The following PLCXD1 variants were observed in gnomAD, a reference collection of about 807,000 sequenced individuals.
PLCXD1 encodes phosphatidylinositol specific phospholipase C X domain containing 1.
A neutral mutation model predicts 37.8 loss-of-function variants in PLCXD1; 45 were observed. That is an observed-to-expected ratio of 1.19 (90% CI 0.94 to 1.53). The LOEUF (loss-of-function observed/expected upper bound fraction) is 1.53. PLCXD1 is among the 40% of genes most tolerant of loss of function. PLCXD1 has a pLI of 0.00. For missense variants in PLCXD1, 539 were observed against 454.7 expected, an observed-to-expected ratio of 1.19 and a Z score of -1.69; for synonymous variants, 246 against 206.9, an observed-to-expected ratio of 1.19 and a Z score of -1.62.
intron 5 of PLCXD1, among the ~76,000 whole-genome samples, chrX:292,673 C>T (rs1041560724): frequency 5.3e-5 from 8 of 151,650 alleles, no homozygotes; most frequent in African/African-American, 9.7e-5. Context: ...AGTGCAATAG[C>T]GAAACCTCGG....
upstream of PLCXD1, among the ~76,000 whole-genome samples, chrX:279,618 C>A (rs1569564323): frequency 6.6e-6 from 1 of 151,824 alleles, no homozygotes; most frequent in African/African-American, 2.4e-5. Context: ...ACCAAAAATA[C>A]AAAAAATTAG....
chrX:286,892 T>G (rs1340188762), intron 2 of PLCXD1, among the ~76,000 whole-genome samples: 3 of 151,906 alleles, frequency 2.0e-5, no homozygotes, highest in Non-Finnish European at 2.9e-5. Context: ...AGTACTGGTC[T>G]CCTTCCTTAA....
intron 5 of PLCXD1, among the ~76,000 whole-genome samples, 179 bp from the exon 6 acceptor site, chrX:292,856 A>G (rs2069679430): frequency 6.8e-6 from 1 of 146,114 alleles, no homozygotes; most frequent in Non-Finnish European, 1.5e-5. Context: ...CAGGTGATCC[A>G]CCCACCTCGG....
chrX:284,584 GCA>G (rs2069384573), intron 2 of PLCXD1, among the ~76,000 whole-genome samples: 25 of 320 alleles, frequency 0.078, no homozygotes, highest in Non-Finnish European at 0.12. Flanking sequence ...AGGCATACAT[GCA>G]CACACGCACA....
Position 287,463 on chromosome X carries a change from GAATAT to G in PLCXD1, c.128-1268_128-1264del, listed in dbSNP as rs1569564452. 1.8e-3 allele frequency among the ~76,000 whole-genome samples: 216 copies of G among 122,584 alleles called. 4 individuals carry two copies. The highest frequency in any genetic ancestry group is 6.8e-3 in the African/African-American group (198 of 29,182). 80.4% of individuals were successfully genotyped at this position (122,584 alleles called of 152,430 possible). On this transcript the variant is annotated intron_variant, in intron 2 of 6. Transcript: ENST00000381657. Reference sequence around the variant, plus strand: ...TATACACTATATATGTTTATATATAGAATATATACTATATATGTTTATATATAGAT... The same window carrying G: ...TATACACTATATATGTTTATATATAGATACTATATATGTTTATATATAGAT...
intron 5 of PLCXD1, 28 bp from the exon 6 acceptor site, chrX:293,007 T>C: frequency 5.8e-6 from 9 of 1,563,816 alleles, no homozygotes; most frequent in Non-Finnish European, 7.9e-6. Context: ...CTCTCTCCCC[T>C]GCACCCCTTA....
At chrX:280,359 GGGCCGTGCAGGGGGAAGGGA>G (rs1413405048), upstream of PLCXD1, among the ~76,000 whole-genome samples, 274 of 28,222 alleles carry the variant, frequency 9.7e-3, 2 homozygotes, top group African/African-American at 0.04. Flanking sequence ...GGGGGAAGGG[GGGCCGTGCAGGGGGAAGGGA>G]GGCCGTGCAG....
intron 2 of PLCXD1, among the ~76,000 whole-genome samples, chrX:287,046 G>A (rs923357598): frequency 9.2e-5 from 14 of 151,954 alleles, no homozygotes; most frequent in South Asian, 2.1e-4. Context: ...GGGGAAGGCC[G>A]GGCGTGGTGG....
intron 6 of PLCXD1, among the ~76,000 whole-genome samples, chrX:295,790 G>C (rs1252282577): frequency 3.3e-5 from 5 of 151,878 alleles, no homozygotes; most frequent in Non-Finnish European, 7.4e-5. Context: ...GTCTCCCAAA[G>C]TGCTGGGATG....
At chrX:277,122 T>C (rs1025314749), upstream of PLCXD1, among the ~76,000 whole-genome samples, 4 of 151,574 alleles carry the variant, frequency 2.6e-5, no homozygotes, top group African/African-American at 9.7e-5. Context: ...ATGGCAGAGG[T>C]GGCTGGGAGT....
At chrX:291,717 C>G (rs745308940) in intron 5 of PLCXD1, 63 bp downstream of exon 5, 1 of 1,547,366 alleles carries the variant, frequency 6.5e-7, no homozygotes, top group Non-Finnish European at 8.9e-7. Flanking sequence ...GCCTCAGACT[C>G]CATTTGCTGT....
chrX:292,155 C>G (rs1260007125), intron 5 of PLCXD1, among the ~76,000 whole-genome samples: 2 of 144,884 alleles, frequency 1.4e-5, no homozygotes, highest in South Asian at 2.2e-4. Context: ...CCAAAATTAT[C>G]TGGGTGTGGC....
upstream of PLCXD1, among the ~76,000 whole-genome samples, chrX:279,775 G>GAA (rs1557374205): frequency 3.6e-5 from 5 of 140,322 alleles, no homozygotes; most frequent in African/African-American, 7.8e-5. Flanking sequence ...CCCTGTCTCT[G>GAA]AAAAAAAAAA....
intron 6 of PLCXD1, among the ~76,000 whole-genome samples, chrX:296,111 CT>C (rs1222373763): frequency 6.6e-6 from 1 of 151,070 alleles, no homozygotes; most frequent in Non-Finnish European, 1.5e-5. Flanking sequence ...TGTGCCCGGC[CT>C]TTTTTTGTTT....
chrX:281,351 ACCCTCCCTCCCT>A (rs201660794), upstream of PLCXD1: 134 of 152,826 alleles, frequency 8.8e-4, no homozygotes, highest in Admixed American at 3.5e-3. Flanking sequence ...GGCTCCCGGG[ACCCTCCCTCCCT>A]CCCTCCCTCC....
chrX:299,589 C>T lies in PLCXD1; in HGVS notation c.*254C>T, dbSNP rs2069936201. 1 of 572,200 alleles carries T rather than the reference C, an allele frequency of 1.7e-6. No individual in the cohort carries two copies. Among genetic ancestry groups the T allele is most frequent in the African/African-American group, 1.9e-5 (1 of 51,458 alleles). 35.4% of individuals were successfully genotyped at this position (572,200 alleles called of 1,614,324 possible). A position where few individuals can be genotyped will look rare whatever the true frequency, so the allele number is the denominator to read the frequency against. On this transcript the variant is annotated 3_prime_UTR_variant, in exon 7 of 7. Transcript: ENST00000381657. Reference sequence around the variant, plus strand: ...CCTGACCAACATGGTGAAATCCCATCTCTACTAAAAATACAAAACTTAGCT... The same window carrying T: ...CCTGACCAACATGGTGAAATCCCATTTCTACTAAAAATACAAAACTTAGCT...
At position 291,903 on chromosome X, in the gene PLCXD1, C is replaced by T. The variant is rs191137013; in HGVS notation, c.549+249C>T. On this transcript the variant is annotated intron_variant, in intron 5 of 6. Coordinates refer to ENST00000381657, the MANE Select transcript of PLCXD1 (RefSeq NM_018390.4). ...GCAGCGTCAGCCGGGCGCGGTGGCTCACGCCTGTCATCCCAGCACTTTGGG... is the reference window on the plus strand; with the variant it reads ...GCAGCGTCAGCCGGGCGCGGTGGCTTACGCCTGTCATCCCAGCACTTTGGG... 2.4e-4 allele frequency among the ~76,000 whole-genome samples: 37 copies of T among 152,196 alleles called. No individual in the cohort carries two copies. The East Asian group carries it at 6.6e-3, about 27-fold the overall frequency.
rs142663151 is a variant in PLCXD1 at position 291,541 on chromosome X, C to T, written c.436C>T (p.Arg146Cys). 2.6e-5 allele frequency: 42 copies of T among 1,612,796 alleles called. No individual in the cohort carries two copies. Among genetic ancestry groups the T allele is most frequent in the African/African-American group, 1.1e-4 (8 of 74,872 alleles). Residue 146 changes from arginine to cysteine, a missense_variant, in exon 5 of 7, where the codon CGC becomes TGC. Physicochemically the swap from Arg to Cys is radical, Grantham distance 180 (BLOSUM62 -3). Coordinates refer to ENST00000381657, the MANE Select transcript of PLCXD1 (RefSeq NM_018390.4). ...CTCGGAGTGGCTGGAGCGGCATCCA[C>T]GCGAGGTGGTCATCCTGGCCTGCAG... ...EISEWLERHP[R>C]EVVILACRNF...
upstream of PLCXD1, among the ~76,000 whole-genome samples, chrX:279,813 A>G (rs1569564325): frequency 6.6e-6 from 1 of 151,828 alleles, no homozygotes; most frequent in Non-Finnish European, 1.5e-5. Flanking sequence ...TTATTAGTAG[A>G]AAGGAATATC....
Sources: gnomAD v4.1 joint callset for allele counts (sites outside exome capture counted in the v4.1 genomes callset) on GRCh38, gnomAD v4.1.1 for gene constraint, MANE v1.5 for transcripts, NCBI Gene and HGNC (gene_info 2026-07-23, HGNC 2026-07-21) for gene names.